The following NAALADL2 variants were observed in gnomAD, a reference collection of about 807,000 sequenced individuals.
The protein encoded by NAALADL2 is N-acetylated alpha-linked acidic dipeptidase like 2.
NAALADL2 carries 76 observed loss-of-function variants against 87.2 expected under a neutral mutation model. That is an observed-to-expected ratio of 0.87 (90% CI 0.72 to 1.05). The LOEUF (loss-of-function observed/expected upper bound fraction) is 1.05, where lower values mean the gene tolerates loss of function less well. Among genes scored for constraint, NAALADL2 ranks in the 50% least tolerant of loss-of-function variants. The probability of loss-of-function intolerance (pLI) is 0.00; values close to 1 mark genes in which losing one functional copy is unlikely to be tolerated. For missense variants in NAALADL2, 1,089 were observed against 945.8 expected (o/e 1.15, Z -1.99); for synonymous variants, 354 against 331.0 (o/e 1.07, Z -0.75).
At chr3:174,886,193 A>G (rs905391483) in intron 1 of NAALADL2, among the ~76,000 whole-genome samples, 1 of 152,030 alleles carries the variant, frequency 6.6e-6, no homozygotes, top group Non-Finnish European at 1.5e-5. Context: ...GATTACAGGC[A>G]TGAGCCACTA....
chr3:174,528,258 C>T (rs1720943970), intron 1 of NAALADL2, among the ~76,000 whole-genome samples: 1 of 152,086 alleles, frequency 6.6e-6, no homozygotes, highest in Non-Finnish European at 1.5e-5. Context: ...TTAGTCTTTT[C>T]CATTTCATTT....
At chr3:174,882,620 CAT>C (rs1361176959) in intron 1 of NAALADL2, among the ~76,000 whole-genome samples, 7 of 146,316 alleles carry the variant, frequency 4.8e-5, no homozygotes, top group African/African-American at 1.8e-4. Context: ...TGTGCATATG[CAT>C]ATATGTGCAT....
intron 9 of NAALADL2, among the ~76,000 whole-genome samples, chr3:175,532,798 C>T (rs1040261693): frequency 1.3e-5 from 2 of 152,138 alleles, no homozygotes; most frequent in Non-Finnish European, 2.9e-5. Flanking sequence ...ACTGTGGATC[C>T]CACTGTTAGA....
At chr3:175,194,361 C>A (rs570292134) in intron 2 of NAALADL2, among the ~76,000 whole-genome samples, 3 of 151,924 alleles carry the variant, frequency 2.0e-5, no homozygotes, top group Admixed American at 6.6e-5. Context: ...CTGTTGCTCA[C>A]CTCATCCCTA....
intron 6 of NAALADL2, among the ~76,000 whole-genome samples, chr3:175,450,285 C>A (rs977420931): frequency 1.3e-5 from 2 of 151,928 alleles, no homozygotes; most frequent in African/African-American, 2.4e-5. Flanking sequence ...TAATTTTAAG[C>A]AATAACAGCA....
intron 13 of NAALADL2, among the ~76,000 whole-genome samples, chr3:175,774,559 GGTTT>G (rs1288079828): frequency 1.3e-5 from 2 of 151,686 alleles, no homozygotes; most frequent in East Asian, 1.9e-4. Flanking sequence ...CTGACTCATT[GGTTT>G]GTTTGCAGAA....
In NAALADL2 at chr3:174,648,755, G is replaced by T. The variant is rs1472947028; in HGVS notation, c.-114-88886G>T. Reference sequence around the variant, plus strand: ...TCACACTCTACTTTTATTGAAAGATGTACTTGCTCTTTGAAAATATGACTA... The same window carrying T: ...TCACACTCTACTTTTATTGAAAGATTTACTTGCTCTTTGAAAATATGACTA... On this transcript the variant is annotated intron_variant, in intron 2 of 3. Transcript: ENST00000434257. Among the ~76,000 whole-genome samples the T allele has an allele frequency of 5.9e-5, 9 of 152,186 alleles. No individual in the cohort carries two copies. The East Asian group carries it at 1.7e-3, about 29-fold the overall frequency.
At chr3:175,247,621 G>A (rs770056808) in intron 3 of NAALADL2, among the ~76,000 whole-genome samples, 70 of 152,098 alleles carry the variant, frequency 4.6e-4, no homozygotes, top group Non-Finnish European at 8.5e-4. Context: ...TAATAGGCAG[G>A]ACCAGCTACA....
intron 3 of NAALADL2, among the ~76,000 whole-genome samples, chr3:174,812,432 AC>A (rs1210782601): frequency 3.3e-5 from 5 of 152,252 alleles, no homozygotes; most frequent in Admixed American, 2.6e-4. Flanking sequence ...AAAGTATATT[AC>A]ATACAATTAT....
At chr3:174,744,396 C>T (rs756779625) in intron 3 of NAALADL2, among the ~76,000 whole-genome samples, 1 of 151,946 alleles carries the variant, frequency 6.6e-6, no homozygotes, top group African/African-American at 2.4e-5. Context: ...ACAAGAAGAA[C>T]TAACAATCCT....
intron 10 of NAALADL2, among the ~76,000 whole-genome samples, chr3:175,592,677 G>A (rs2149608912): frequency 6.8e-6 from 1 of 147,836 alleles, no homozygotes; most frequent in South Asian, 2.2e-4. Flanking sequence ...CTCATAGGTG[G>A]GAATTGAACA....
At chr3:175,643,633 T>G (rs1252625093) in intron 11 of NAALADL2, among the ~76,000 whole-genome samples, 1 of 152,128 alleles carries the variant, frequency 6.6e-6, no homozygotes, top group African/African-American at 2.4e-5. Flanking sequence ...GAAAAATGAT[T>G]GTCAGTGAGA....
At chr3:175,670,984 C>T (rs1733927417) in intron 11 of NAALADL2, among the ~76,000 whole-genome samples, 1 of 150,974 alleles carries the variant, frequency 6.6e-6, no homozygotes, top group South Asian at 2.1e-4. Flanking sequence ...AACAAGTGAC[C>T]TCAAGTTGTA....
At chr3:174,708,965 G>A (rs1368245805) in intron 2 of NAALADL2, among the ~76,000 whole-genome samples, 7 of 151,982 alleles carry the variant, frequency 4.6e-5, no homozygotes, top group Admixed American at 1.3e-4. Flanking sequence ...CATTATAGTG[G>A]AGAAGACCTA....
chr3:175,686,577 T>C (rs1736329752), intron 11 of NAALADL2, among the ~76,000 whole-genome samples: 1 of 151,788 alleles, frequency 6.6e-6, no homozygotes. Context: ...AGTTCAACTT[T>C]TAATTCAATT....
chr3:174,796,827 A>T (rs923918483), intron 3 of NAALADL2, among the ~76,000 whole-genome samples: 7 of 147,676 alleles, frequency 4.7e-5, no homozygotes, highest in Non-Finnish European at 7.4e-5. Context: ...TTTTAATGGG[A>T]TTATTTGCCT....
chr3:174,556,802 A>G (rs1424126242), intron 2 of NAALADL2, among the ~76,000 whole-genome samples: 1 of 152,084 alleles, frequency 6.6e-6, no homozygotes, highest in African/African-American at 2.4e-5. Context: ...GTGCAGTGGC[A>G]CAATCATGGC....
intron 2 of NAALADL2, among the ~76,000 whole-genome samples, chr3:175,101,704 GTAA>G (rs1405714059): frequency 1.3e-5 from 2 of 152,102 alleles, no homozygotes; most frequent in African/African-American, 2.4e-5. Context: ...ATATAATATT[GTAA>G]TAATAAGATA....
chr3:175,370,775 G>T (rs1581621383), intron 5 of NAALADL2, among the ~76,000 whole-genome samples: 1 of 152,122 alleles, frequency 6.6e-6, no homozygotes, highest in East Asian at 1.9e-4. Flanking sequence ...CACTTTAAAA[G>T]TATAAACACC....
Sources: gnomAD v4.1 joint callset for allele counts (sites outside exome capture counted in the v4.1 genomes callset) on GRCh38, gnomAD v4.1.1 for gene constraint, MANE v1.5 for transcripts, NCBI Gene and HGNC (gene_info 2026-07-23, HGNC 2026-07-21) for gene names.